Variants in REEP3 observed in about 807,000 individuals in gnomAD.
The protein encoded by REEP3 is receptor accessory protein 3.
In REEP3, 20 loss-of-function variants were observed where a neutral mutation model predicts 41.3. That is an observed-to-expected ratio of 0.48 (90% CI 0.34 to 0.70). REEP3 has a LOEUF of 0.70. Ranked by LOEUF, REEP3 falls within the 30% of genes least tolerant of loss-of-function variation. REEP3 has a pLI of 0.01. For synonymous variants in REEP3, 104 were observed against 101.8 expected (o/e 1.02, Z -0.13); for missense variants, 271 against 308.8 (o/e 0.88, Z 0.92).
chr10:63,590,626 A>G (rs1257565398), intron 2 of REEP3, among the ~76,000 whole-genome samples: 1 of 152,168 alleles, frequency 6.6e-6, no homozygotes, highest in Non-Finnish European at 1.5e-5. Flanking sequence ...CTATAATACA[A>G]GCCCCCTTTC....
At position 63,584,226 on chromosome 10, in the gene REEP3, A is replaced by T. The variant is rs551731970; in HGVS notation, c.106-10552A>T. On this transcript the variant is annotated intron_variant, in intron 2 of 7. Transcript: ENST00000373758. ...CAGGATATTCTGTGAGGTATTTGGC[A>T]GTGATAATTAGAAACTGCAGGTAAA... Among the ~76,000 whole-genome samples, 4 of 152,252 alleles carry T rather than the reference A, an allele frequency of 2.6e-5. No homozygotes were observed. The East Asian group carries it at 7.7e-4, about 29-fold the overall frequency.
chr10:63,620,313 T>C (rs942572932), intron 7 of REEP3, among the ~76,000 whole-genome samples: 21 of 152,346 alleles, frequency 1.4e-4, no homozygotes, highest in Non-Finnish European at 2.6e-4. Flanking sequence ...ACTCTTAATC[T>C]TCTGCTATAC....
chr10:63,562,764 A>G (rs894027463), intron 1 of REEP3, among the ~76,000 whole-genome samples: 4 of 152,174 alleles, frequency 2.6e-5, no homozygotes, highest in Admixed American at 2.0e-4. Context: ...AGATGTAAAT[A>G]TTTGCTCCAG....
At chr10:63,585,163 G>A (rs992729643) in intron 2 of REEP3, among the ~76,000 whole-genome samples, 6 of 152,170 alleles carry the variant, frequency 3.9e-5, no homozygotes, top group Non-Finnish European at 5.9e-5. Context: ...ACCTTAAAAT[G>A]TAAGAGTGGA....
intron 1 of REEP3, among the ~76,000 whole-genome samples, chr10:63,549,326 C>T (rs1221802971): frequency 3.3e-5 from 5 of 152,266 alleles, no homozygotes; most frequent in Admixed American, 2.0e-4. Flanking sequence ...CCAACACTTT[C>T]GGAGGCCACG....
intron 2 of REEP3, among the ~76,000 whole-genome samples, chr10:63,575,367 A>G (rs6479910): frequency 0.99 from 151,482 of 152,336 alleles, 75,323 homozygotes; most frequent in East Asian, 1. Flanking sequence ...ACTTTGTTGC[A>G]TGAGTCCGTT....
intron 1 of REEP3, among the ~76,000 whole-genome samples, chr10:63,557,444 T>C (rs1021295003): frequency 1.3e-5 from 2 of 152,250 alleles, no homozygotes; most frequent in Non-Finnish European, 2.9e-5. Context: ...ATAAACTGTT[T>C]CCATGCTTAT....
At chr10:63,597,499 A>C (rs990198954) in intron 3 of REEP3, among the ~76,000 whole-genome samples, 2 of 152,224 alleles carry the variant, frequency 1.3e-5, no homozygotes, top group African/African-American at 4.8e-5. Context: ...CTACAAAGGA[A>C]GATTCTTGTA....
At chr10:63,587,220 G>A (rs1409706121) in intron 2 of REEP3, among the ~76,000 whole-genome samples, 1 of 152,140 alleles carries the variant, frequency 6.6e-6, no homozygotes, top group African/African-American at 2.4e-5. Context: ...CTCTAGCTCT[G>A]CCTCTGTCTG....
intron 1 of REEP3, among the ~76,000 whole-genome samples, chr10:63,555,317 G>T (rs1426387551): frequency 6.6e-6 from 1 of 152,040 alleles, no homozygotes; most frequent in Admixed American, 6.6e-5. Context: ...TTTCTTTAAG[G>T]TTTAGTCACT....
At chr10:63,525,461 C>T (rs1955353600) in intron 1 of REEP3, among the ~76,000 whole-genome samples, 1 of 151,600 alleles carries the variant, frequency 6.6e-6, no homozygotes, top group Non-Finnish European at 1.5e-5. Context: ...TCTTGGTGTA[C>T]AGGCTAGAGT....
intron 1 of REEP3, among the ~76,000 whole-genome samples, chr10:63,559,220 T>C (rs980676291): frequency 7.2e-5 from 11 of 152,210 alleles, no homozygotes; most frequent in African/African-American, 1.9e-4. Context: ...GGGGAAAGTA[T>C]AGCTAGTTCA....
rs71463534 is a variant in REEP3 at position 63,619,918 on chromosome 10, ATTTT to A, written c.711+141_711+144del. On this transcript the variant is annotated intron_variant, in intron 7 of 7. Coordinates refer to ENST00000373758, the MANE Select transcript of REEP3 (RefSeq NM_001001330.3). Reference sequence around the variant, plus strand: ...ATTGGAATGGTAGAACAGCAGTTTGATTTTTTTTTTTTTTTTTTTTTTTTTTAGT... The same window carrying A: ...ATTGGAATGGTAGAACAGCAGTTTGATTTTTTTTTTTTTTTTTTTTTTAGT... 2,246 of 248,868 alleles carry A rather than the reference ATTTT, an allele frequency of 9.0e-3. 1 individual carries two copies. Among genetic ancestry groups the A allele is most frequent in the African/African-American group, 0.016 (415 of 25,742 alleles). 15.4% of individuals were successfully genotyped at this position (248,868 alleles called of 1,614,324 possible).
chr10:63,580,324 C>T (rs140338568), intron 2 of REEP3, among the ~76,000 whole-genome samples: 117 of 152,046 alleles, frequency 7.7e-4, no homozygotes, highest in African/African-American at 2.4e-3. Flanking sequence ...TTTCTAGAGA[C>T]GGGGGTCTCA....
intron 2 of REEP3, among the ~76,000 whole-genome samples, chr10:63,582,695 A>G (rs1158819025): frequency 6.6e-6 from 1 of 152,150 alleles, no homozygotes; most frequent in Non-Finnish European, 1.5e-5. Flanking sequence ...TCTAGACCAA[A>G]TGTCTCCGTC....
intron 6 of REEP3, among the ~76,000 whole-genome samples, chr10:63,615,089 AT>A (rs1475600868): frequency 1.3e-5 from 2 of 152,190 alleles, no homozygotes; most frequent in Non-Finnish European, 2.9e-5. Flanking sequence ...GGGAAAAAAA[AT>A]AATAAGTAGA....
At chr10:63,610,389 C>T in intron 6 of REEP3, 55 bp downstream of exon 6, 1 of 1,503,046 alleles carries the variant, frequency 6.7e-7, no homozygotes, top group Non-Finnish European at 9.0e-7. Context: ...GGGAGGGGAA[C>T]AACATACACT....
chr10:63,576,163 T>C (rs2133384412), intron 2 of REEP3, among the ~76,000 whole-genome samples: 1 of 152,340 alleles, frequency 6.6e-6, no homozygotes, highest in African/African-American at 2.4e-5. Context: ...TTTAGGATAA[T>C]AATGAAAAGC....
At chr10:63,569,634 A>G (rs1272683527) in intron 2 of REEP3, among the ~76,000 whole-genome samples, 1 of 152,150 alleles carries the variant, frequency 6.6e-6, no homozygotes, top group Non-Finnish European at 1.5e-5. Context: ...AAAAATAGTT[A>G]ATAAACTGTA....
Sources: gnomAD v4.1 joint callset for allele counts (sites outside exome capture counted in the v4.1 genomes callset) on GRCh38, gnomAD v4.1.1 for gene constraint, MANE v1.5 for transcripts, NCBI Gene and HGNC (gene_info 2026-07-23, HGNC 2026-07-21) for gene names.